Variants in IQCE observed in about 807,000 individuals in gnomAD.
IQCE encodes the protein IQ motif containing E.
IQCE carries 115 observed loss-of-function variants against 96.0 expected under a neutral mutation model. That is an observed-to-expected ratio of 1.20 (90% CI 1.03 to 1.40). IQCE has a LOEUF of 1.40. IQCE is among the 40% of genes most tolerant of loss of function. The pLI is 0.00. For synonymous variants in IQCE, 412 were observed against 371.2 expected (o/e 1.11, Z -1.26); for missense variants, 1,041 against 909.1 (o/e 1.15, Z -1.87).
chr7:2,567,962 G>A (rs535663980), intron 2 of IQCE, among the ~76,000 whole-genome samples: 6 of 152,290 alleles, frequency 3.9e-5, no homozygotes, highest in African/African-American at 7.2e-5. Context: ...TTCCCCCCGC[G>A]CAGAACTTGG....
chr7:2,573,052 G>A (rs1781873394), intron 5 of IQCE, among the ~76,000 whole-genome samples: 1 of 152,154 alleles, frequency 6.6e-6, no homozygotes, highest in African/African-American at 2.4e-5. Flanking sequence ...CATTGGAATG[G>A]GTGTTGAGAT....
intron 21 of IQCE, among the ~76,000 whole-genome samples, chr7:2,608,966 G>T (rs1402062912): frequency 6.6e-6 from 1 of 152,220 alleles, no homozygotes; most frequent in Non-Finnish European, 1.5e-5. Flanking sequence ...AGTATCTGCG[G>T]CATGGCCGAA....
chr7:2,569,266 C>A (rs1363792875), intron 3 of IQCE, among the ~76,000 whole-genome samples: 1 of 152,160 alleles, frequency 6.6e-6, no homozygotes, highest in Non-Finnish European at 1.5e-5. Context: ...ACCAACTCCC[C>A]AGTCTCCCCC....
chr7:2,567,853 C>A lies in IQCE; in HGVS notation c.84+690C>A, dbSNP rs188416125. Among the ~76,000 whole-genome samples the A allele has an allele frequency of 1.9e-3, 289 of 152,300 alleles. 2 individuals are homozygous for A. The highest frequency in any genetic ancestry group is 6.8e-3 in the Middle Eastern group (2 of 294). On this transcript the variant is annotated intron_variant, in intron 2 of 21. Coordinates refer to ENST00000402050, the MANE Select transcript of IQCE (RefSeq NM_152558.5). ...CTGTCTCCCTCCAGGGACCTCTGTT[C>A]GCAAAGTTAAGGATTTTCCCTCCAT...
At chr7:2,583,269 C>G (rs1272188152) in intron 9 of IQCE, among the ~76,000 whole-genome samples, 6 of 152,196 alleles carry the variant, frequency 3.9e-5, no homozygotes, top group Admixed American at 2.0e-4. Flanking sequence ...CTCTTCCTTA[C>G]AAAACCATCC....
At chr7:2,579,068 A>G (rs942036544) in intron 8 of IQCE, among the ~76,000 whole-genome samples, 4 of 151,234 alleles carry the variant, frequency 2.6e-5, no homozygotes, top group African/African-American at 9.7e-5. Flanking sequence ...GGTGCTACAG[A>G]TGTAAATCAG....
chr7:2,601,772 A>C (rs573376611), intron 18 of IQCE: 2 of 324,060 alleles, frequency 6.2e-6, no homozygotes, highest in Admixed American at 5.0e-5. Context: ...ATGGTCTCCA[A>C]CTCCTGACCT....
chr7:2,594,979 A>T lies in IQCE; in HGVS notation c.1440+3A>T, dbSNP rs748537991. On this transcript the variant is annotated splice_donor_region_variant and intron_variant, in intron 16 of 21. Coordinates refer to ENST00000402050, the MANE Select transcript of IQCE (RefSeq NM_152558.5). ...ATTGCCCGGAAGTTCCTCATAAGGT[A>T]CAGTGACCATTCAGTTGAGTCTCCC... 4 of 1,599,592 alleles carry T rather than the reference A, an allele frequency of 2.5e-6. No homozygotes were observed. The Admixed American group carries it at 6.7e-5, about 27-fold the overall frequency.
intron 6 of IQCE, among the ~76,000 whole-genome samples, chr7:2,575,193 C>T (rs1024109645): frequency 6.6e-6 from 1 of 152,264 alleles, no homozygotes; most frequent in African/African-American, 2.4e-5. Context: ...GACTCTTGCT[C>T]AATCCTGTGT....
chr7:2,594,463 C>T (rs1188384202), intron 15 of IQCE, among the ~76,000 whole-genome samples: 12 of 152,232 alleles, frequency 7.9e-5, no homozygotes, highest in African/African-American at 2.9e-4. Flanking sequence ...GGTCAGTGGT[C>T]CCTGCTTATT....
chr7:2,612,703 C>G lies in IQCE; in HGVS notation c.*2541C>G, dbSNP rs1421009519. On this transcript the variant is annotated 3_prime_UTR_variant, in exon 22 of 22. Coordinates refer to ENST00000402050, the MANE Select transcript of IQCE (RefSeq NM_152558.5). ...GGGAAAGGTGAGCTGTGGGCGGGGC[C>G]TAGTCACGGGAGAGGTGAGCTGTGG... is the stretch of plus-strand genomic sequence containing the variant. The G allele has an allele frequency of 1.6e-5, 2 of 126,160 alleles. No individual in the cohort carries two copies. The highest frequency in any genetic ancestry group is 3.3e-5 in the Non-Finnish European group (2 of 59,738). 7.8% of individuals were successfully genotyped at this position (126,160 alleles called of 1,614,324 possible). A position where few individuals can be genotyped will look rare whatever the true frequency, so the allele number is the denominator to read the frequency against.
At chr7:2,597,188 A>C (rs1432473717) in intron 16 of IQCE, 2 of 463,628 alleles carry the variant, frequency 4.3e-6, no homozygotes, top group Non-Finnish European at 9.0e-6. Context: ...GAATTTCAGC[A>C]GGATCTGGGC....
intron 11 of IQCE, among the ~76,000 whole-genome samples, chr7:2,585,055 T>C (rs1583451906): frequency 6.6e-6 from 1 of 151,754 alleles, no homozygotes; most frequent in East Asian, 1.9e-4. Context: ...AACATTTTTT[T>C]TTTTTTTTTG....
chr7:2,560,696 G>A (rs1298256956), intron 1 of IQCE, among the ~76,000 whole-genome samples: 1 of 151,930 alleles, frequency 6.6e-6, no homozygotes, highest in East Asian at 1.9e-4. Context: ...GGCGGCTCAT[G>A]CCTGTAATCC....
chr7:2,569,118 GC>G, intron 3 of IQCE, 119 bp downstream of exon 3: 1 of 930,812 alleles, frequency 1.1e-6, no homozygotes, highest in Non-Finnish European at 1.7e-6. Context: ...CAGCCAGTTG[GC>G]CCCATTCCCA....
At chr7:2,606,021 G>C (rs560345972) in intron 20 of IQCE, 24 bp downstream of exon 20, 1 of 1,595,892 alleles carries the variant, frequency 6.3e-7, no homozygotes, top group Non-Finnish European at 8.5e-7. Flanking sequence ...ACGGGGACGT[G>C]GGACACAGAC....
At position 2,586,304 on chromosome 7, in the gene IQCE, G is replaced by C; in HGVS notation, c.921G>C (p.Glu307Asp). 2.5e-6 allele frequency: 4 copies of C among 1,614,050 alleles called. No homozygotes were observed. Among genetic ancestry groups the C allele is most frequent in the East Asian group, 4.5e-5 (2 of 44,890 alleles). Residue 307 changes from glutamate to aspartate, a missense_variant, in exon 12 of 22, where the codon GAG (glutamate) becomes GAC (aspartate). Coordinates refer to ENST00000402050, the MANE Select transcript of IQCE (RefSeq NM_152558.5). ...GGAGTGTCCAGGAGCTCACGGAAGAGAACCAGAGCCTGAAGGAGGACCTGG... is the reference window on the plus strand; with the variant it reads ...GGAGTGTCCAGGAGCTCACGGAAGACAACCAGAGCCTGAAGGAGGACCTGG... ...LSRSVQELTEENQSLKEDLDR... is the reference protein window; with the variant it reads ...LSRSVQELTEDNQSLKEDLDR...
Position 2,614,264 on chromosome 7 carries a change from A to G in IQCE, c.*4102A>G, listed in dbSNP as rs1785212164. 6.6e-6 allele frequency: 1 copy of G among 152,206 alleles called. No individual in the cohort carries two copies. The highest frequency in any genetic ancestry group is 2.4e-5 in the African/African-American group (1 of 41,464). The allele number at this position is 152,206 out of a possible 1,614,324, so 9.4% of individuals were successfully genotyped here. On this transcript the variant is annotated 3_prime_UTR_variant, in exon 22 of 22. Transcript: ENST00000402050. The stretch of plus-strand genomic sequence containing the variant: ...CGATAACCTTCAAGATCTGAATGAG[A>G]TTCTATTATAACCCGTCTAAACGAT...
At chr7:2,562,285 C>CATAT (rs59044593) in intron 1 of IQCE, among the ~76,000 whole-genome samples, 121 of 146,310 alleles carry the variant, frequency 8.3e-4, no homozygotes, top group African/African-American at 2.9e-3. Flanking sequence ...AATTAGGGTA[C>CATAT]ATATATATAT....
Sources: allele counts gnomAD v4.1 joint callset (sites outside exome capture counted in the v4.1 genomes callset), GRCh38; gene constraint gnomAD v4.1.1; transcripts MANE v1.5; gene names NCBI Gene and HGNC (gene_info 2026-07-23, HGNC 2026-07-21).